LRP1B: variants seen among roughly 807,000 people sequenced by gnomAD.
The protein encoded by LRP1B is low-density lipoprotein receptor-related protein 1B.
In LRP1B, 217 loss-of-function variants were observed where a neutral mutation model predicts 556.6. The observed-to-expected ratio is 0.39, with a 90% CI of 0.35 to 0.44. The LOEUF (loss-of-function observed/expected upper bound fraction) is 0.44. Ranked by LOEUF, LRP1B falls within the 20% of genes least tolerant of loss-of-function variation. The pLI is 1.00. For missense variants in LRP1B, 5,053 were observed against 5,620.8 expected, an observed-to-expected ratio of 0.90 and a Z score of 3.23; for synonymous variants, 2,047 against 1,865.8, an observed-to-expected ratio of 1.10 and a Z score of -2.50.
Position 141,700,634 on chromosome 2 carries a change from C to T in LRP1B, c.205+109645G>A, listed in dbSNP as rs147861822. ...CGCTATTTCTCAGTGCCATTCTCCC[C>T]GAAGGCTAGCCATAGAAACTAGAAT... On this transcript the variant is annotated intron_variant, in intron 2 of 90. Coordinates refer to ENST00000389484, the MANE Select transcript of LRP1B (RefSeq NM_018557.3). Among the ~76,000 whole-genome samples, 100 of 151,834 alleles carry T rather than the reference C, an allele frequency of 6.6e-4. No individual in the cohort carries two copies. In the East Asian group the frequency reaches 9.4e-3, roughly 14 times the overall value.
intron 25 of LRP1B, among the ~76,000 whole-genome samples, chr2:140,873,624 GCA>G (rs891087219): frequency 7.9e-5 from 12 of 151,922 alleles, no homozygotes; most frequent in Admixed American, 2.0e-4. Context: ...ATGATGACTA[GCA>G]CAGTTTTTAT....
At chr2:141,544,337 C>CTTCTTCTTCTTCTTCTTCTTCTTCTTCTT (rs1685434029) in intron 2 of LRP1B, among the ~76,000 whole-genome samples, 10 of 67,240 alleles carry the variant, frequency 1.5e-4, no homozygotes, top group African/African-American at 5.7e-4. Context: ...TCTTCTTCTT[C>CTTCTTCTTCTTCTTCTTCTTCTTCTTCTT]TTCTTCTTCT....
intron 7 of LRP1B, among the ~76,000 whole-genome samples, chr2:141,120,951 A>C (rs1466117654): frequency 6.6e-6 from 1 of 152,008 alleles, no homozygotes; most frequent in Non-Finnish European, 1.5e-5. Context: ...TCTGACAATG[A>C]TAAAAAAAAT....
At chr2:140,600,104 A>C (rs1488910688) in intron 42 of LRP1B, among the ~76,000 whole-genome samples, 1 of 152,164 alleles carries the variant, frequency 6.6e-6, no homozygotes, top group Non-Finnish European at 1.5e-5. Context: ...TAGCCTATGT[A>C]ATAAATAATT....
intron 2 of LRP1B, among the ~76,000 whole-genome samples, chr2:141,491,076 C>T (rs1217336477): frequency 6.6e-6 from 1 of 151,856 alleles, no homozygotes; most frequent in African/African-American, 2.4e-5. Flanking sequence ...ACTGAAATTA[C>T]AAGCCCTCTG....
intron 86 of LRP1B, among the ~76,000 whole-genome samples, chr2:140,256,802 A>C (rs1349572028): frequency 6.6e-6 from 1 of 151,818 alleles, no homozygotes; most frequent in Non-Finnish European, 1.5e-5. Flanking sequence ...AAAACTCAGC[A>C]AAAAAATTTT....
At chr2:141,235,684 A>T (rs1683624300) in intron 5 of LRP1B, among the ~76,000 whole-genome samples, 1 of 152,150 alleles carries the variant, frequency 6.6e-6, no homozygotes, top group South Asian at 2.1e-4. Context: ...GGAGTATTTC[A>T]CTAATAATAG....
At chr2:141,551,991 G>A (rs1685766921) in intron 2 of LRP1B, among the ~76,000 whole-genome samples, 1 of 151,932 alleles carries the variant, frequency 6.6e-6, no homozygotes, top group African/African-American at 2.4e-5. Flanking sequence ...ACCAACTGGG[G>A]TTCCAGTGTA....
At position 140,600,767 on chromosome 2, in the gene LRP1B, GTT is replaced by G. The variant is rs61336155; in HGVS notation, c.6989+681_6989+682del. ...CCTTACCTGTGCTTTGTTCTTCGGGGTTTTTTTTTTTTTTTTTTTTTTTTTTA... is the reference window on the plus strand; with the variant it reads ...CCTTACCTGTGCTTTGTTCTTCGGGGTTTTTTTTTTTTTTTTTTTTTTTTA... On this transcript the variant is annotated intron_variant, in intron 42 of 90. Transcript: ENST00000389484. 8.6e-3 allele frequency among the ~76,000 whole-genome samples: 487 copies of G among 56,866 alleles called. 1 individual carries two copies. The highest frequency in any genetic ancestry group is 0.012 in the Non-Finnish European group (351 of 29,560). The allele number at this position is 56,866 out of a possible 152,430, so 37.3% of individuals were successfully genotyped here. A position where few individuals can be genotyped will look rare whatever the true frequency, so the allele number is the denominator to read the frequency against.
intron 2 of LRP1B, among the ~76,000 whole-genome samples, chr2:141,675,217 T>C (rs1000044861): frequency 6.6e-6 from 1 of 151,968 alleles, no homozygotes; most frequent in African/African-American, 2.4e-5. Flanking sequence ...TTTTATTATA[T>C]TTAAAGTACC....
chr2:141,839,422 C>T (rs1697392769), intron 1 of LRP1B, among the ~76,000 whole-genome samples: 1 of 152,198 alleles, frequency 6.6e-6, no homozygotes, highest in Non-Finnish European at 1.5e-5. Context: ...GCTACCCAAA[C>T]ACTGAGACAA....
chr2:141,884,099 G>A (rs1468353850), intron 1 of LRP1B, among the ~76,000 whole-genome samples: 1 of 152,150 alleles, frequency 6.6e-6, no homozygotes, highest in Non-Finnish European at 1.5e-5. Flanking sequence ...AATGGGCTGG[G>A]TGTGGTTGCT....
chr2:141,511,124 G>A (rs772891887), intron 2 of LRP1B, among the ~76,000 whole-genome samples: 18 of 152,184 alleles, frequency 1.2e-4, no homozygotes, highest in South Asian at 6.2e-4. Context: ...TAGAGCTGTC[G>A]TGCCCTCAAG....
intron 16 of LRP1B, 30 bp from the exon 17 acceptor site, chr2:140,989,687 A>T: frequency 6.2e-7 from 1 of 1,607,962 alleles, no homozygotes. Flanking sequence ...AAGATTAATT[A>T]TTTAAAATTG....
chr2:142,040,211 C>A (rs992692605), intron 1 of LRP1B, among the ~76,000 whole-genome samples: 5 of 151,300 alleles, frequency 3.3e-5, no homozygotes, highest in African/African-American at 9.7e-5. Flanking sequence ...ATGCTTGCTG[C>A]TATCCACTTA....
intron 7 of LRP1B, among the ~76,000 whole-genome samples, chr2:141,095,777 T>C (rs1308332859): frequency 6.6e-6 from 1 of 152,154 alleles, no homozygotes; most frequent in Non-Finnish European, 1.5e-5. Flanking sequence ...CCTTTGGTCT[T>C]GCTTGTTTCA....
chr2:140,888,960 C>CA (rs35546727), intron 23 of LRP1B, among the ~76,000 whole-genome samples: 7,606 of 77,424 alleles, frequency 0.098, 643 homozygotes, highest in African/African-American at 0.26. Flanking sequence ...GAGTCTGTCT[C>CA]AAAAAAAAAA....
Position 141,103,682 on chromosome 2 carries a change from G to GA in LRP1B, c.1014-41410dup, listed in dbSNP as rs1176966860. ...ATTCAATTCTTGCCAATACAACTGT[G>GA]AAAAAAAAAGAAAATTAAGGCTGAA... is the stretch of plus-strand genomic sequence containing the variant. On this transcript the variant is annotated intron_variant, in intron 7 of 90. Coordinates refer to ENST00000389484, the MANE Select transcript of LRP1B (RefSeq NM_018557.3). Among the ~76,000 whole-genome samples the GA allele has an allele frequency of 2.1e-3, 283 of 135,316 alleles. 4 individuals are homozygous for GA. Among genetic ancestry groups the GA allele is most frequent in the East Asian group, 6.3e-3 (30 of 4,730 alleles). 88.8% of individuals were successfully genotyped at this position (135,316 alleles called of 152,430 possible).
At chr2:140,663,659 G>A (rs938938837) in intron 41 of LRP1B, among the ~76,000 whole-genome samples, 1 of 151,976 alleles carries the variant, frequency 6.6e-6, no homozygotes, top group Non-Finnish European at 1.5e-5. Flanking sequence ...CTTCTCTCCC[G>A]ACCACTAAAA....
Sources: gnomAD v4.1 joint callset for allele counts (sites outside exome capture counted in the v4.1 genomes callset) on GRCh38, gnomAD v4.1.1 for gene constraint, MANE v1.5 for transcripts, NCBI Gene and HGNC (gene_info 2026-07-23, HGNC 2026-07-21) for gene names.